The following MEGF11 variants were observed in gnomAD, a reference collection of about 807,000 sequenced individuals.
MEGF11 encodes the protein multiple EGF like domains 11, also known as multiple epidermal growth factor-like domains protein 11.
Under a neutral mutation model 146.6 loss-of-function variants are expected in MEGF11, and 126 were observed. The observed-to-expected ratio is 0.86, with a 90% CI of 0.74 to 1.00. MEGF11 has a LOEUF of 1.00. MEGF11 is among the 50% of genes least tolerant of loss of function. The pLI, the probability that MEGF11 is intolerant of heterozygous loss-of-function variation, is 0.00. For missense variants in MEGF11, 1,509 were observed against 1,521.2 expected (o/e 0.99, Z 0.13); for synonymous variants, 532 against 583.4 (o/e 0.91, Z 1.27).
chr15:66,009,341 G>A (rs2082630262), intron 5 of MEGF11, among the ~76,000 whole-genome samples: 1 of 151,790 alleles, frequency 6.6e-6, no homozygotes, highest in African/African-American at 2.4e-5. Flanking sequence ...GAGTCATGGG[G>A]GTGGGGAGGG....
chr15:66,183,696 G>A (rs578247161), intron 1 of MEGF11, among the ~76,000 whole-genome samples: 12 of 152,278 alleles, frequency 7.9e-5, no homozygotes, highest in East Asian at 5.8e-4. Context: ...GAGAGCTTAG[G>A]ACAGGGCTTC....
intron 10 of MEGF11, among the ~76,000 whole-genome samples, chr15:65,953,766 C>T (rs185680111): frequency 6.6e-6 from 1 of 151,654 alleles, no homozygotes; most frequent in African/African-American, 2.4e-5. Flanking sequence ...ATCCAGAGCC[C>T]CAAGCAGGAC....
intron 1 of MEGF11, among the ~76,000 whole-genome samples, chr15:66,160,664 G>GACACAC (rs3221608): frequency 0.065 from 8,944 of 137,462 alleles, 348 homozygotes; most frequent in African/African-American, 0.1. Context: ...GCCCTAAGGG[G>GACACAC]ACACACACAC....
At chr15:66,092,361 C>T (rs2086354938) in intron 5 of MEGF11, among the ~76,000 whole-genome samples, 1 of 152,200 alleles carries the variant, frequency 6.6e-6, no homozygotes, top group African/African-American at 2.4e-5. Context: ...TTTAGAACTT[C>T]CCATGGGTTC....
intron 1 of MEGF11, among the ~76,000 whole-genome samples, chr15:66,203,411 G>A (rs934802829): frequency 2.1e-4 from 32 of 152,212 alleles, no homozygotes; most frequent in African/African-American, 7.7e-4. Flanking sequence ...TTTGGAACTG[G>A]CAACTGAGGC....
chr15:65,938,563 A>G (rs1567166652), intron 10 of MEGF11, among the ~76,000 whole-genome samples: 1 of 152,098 alleles, frequency 6.6e-6, no homozygotes. Flanking sequence ...CCCAGTCCAC[A>G]CCACCTACAG....
Position 65,991,116 on chromosome 15 carries a change from C to A in MEGF11, c.395-8628G>T, listed in dbSNP as rs1437004585. The stretch of plus-strand genomic sequence containing the variant: ...CACTTGTTACTCGGTGTTACTTAAC[C>A]ACACCGTCTATACCTCCCTTAAACC... On this transcript the variant is annotated intron_variant, in intron 5 of 25. Coordinates refer to ENST00000395614, the MANE Select transcript of MEGF11 (RefSeq NM_001385028.1). Among the ~76,000 whole-genome samples the A allele has an allele frequency of 2.6e-5, 4 of 152,124 alleles. No homozygotes were observed. In the South Asian group the frequency reaches 8.3e-4, roughly 32 times the overall value.
At chr15:65,950,488 G>A (rs2141438549) in intron 10 of MEGF11, among the ~76,000 whole-genome samples, 1 of 152,174 alleles carries the variant, frequency 6.6e-6, no homozygotes, top group East Asian at 1.9e-4. Context: ...TGAGGTGGGA[G>A]GATCGCCTGA....
At chr15:66,100,429 G>A (rs2086743518) in intron 4 of MEGF11, among the ~76,000 whole-genome samples, 1 of 152,190 alleles carries the variant, frequency 6.6e-6, no homozygotes, top group Non-Finnish European at 1.5e-5. Flanking sequence ...CCACAGGCCA[G>A]GGTGTAAGGT....
At chr15:66,019,363 G>A (rs977276348) in intron 5 of MEGF11, among the ~76,000 whole-genome samples, 3 of 152,220 alleles carry the variant, frequency 2.0e-5, no homozygotes, top group African/African-American at 4.8e-5. Context: ...GAGGGAATGG[G>A]GTTGAAAGGA....
intron 5 of MEGF11, among the ~76,000 whole-genome samples, chr15:66,079,353 G>T (rs1209237682): frequency 6.6e-6 from 1 of 152,198 alleles, no homozygotes; most frequent in African/African-American, 2.4e-5. Context: ...AGGTTCAAGA[G>T]GCCAAAGAAG....
chr15:66,243,044 T>TAC (rs983065726), intron 1 of MEGF11, among the ~76,000 whole-genome samples: 4 of 152,086 alleles, frequency 2.6e-5, no homozygotes, highest in Non-Finnish European at 5.9e-5. Flanking sequence ...CTCTTCTACA[T>TAC]ACACACACAC....
intron 10 of MEGF11, among the ~76,000 whole-genome samples, chr15:65,943,082 G>A (rs1298907666): frequency 6.9e-6 from 1 of 144,374 alleles, no homozygotes; most frequent in Admixed American, 7.3e-5. Flanking sequence ...CGCCCCCCGG[G>A]TTCAAGCGAT....
intron 8 of MEGF11, among the ~76,000 whole-genome samples, chr15:65,965,927 C>T (rs892766691): frequency 5.3e-5 from 8 of 152,146 alleles, no homozygotes; most frequent in African/African-American, 1.4e-4. Context: ...CCACCCATCT[C>T]CAGAATGTTT....
At chr15:66,003,915 C>G (rs2082441140) in intron 5 of MEGF11, among the ~76,000 whole-genome samples, 2 of 152,228 alleles carry the variant, frequency 1.3e-5, no homozygotes, top group Admixed American at 6.5e-5. Context: ...CTGTCCCATG[C>G]TAGACCTCCG....
chr15:66,043,332 T>C (rs2084062650), intron 5 of MEGF11, among the ~76,000 whole-genome samples: 2 of 152,152 alleles, frequency 1.3e-5, no homozygotes, highest in Non-Finnish European at 1.5e-5. Context: ...TGAAATCAGA[T>C]CAAAGAACAG....
intron 25 of MEGF11, 21 bp downstream of exon 25, chr15:65,898,707 T>C (rs1194422382): frequency 6.2e-7 from 1 of 1,612,100 alleles, no homozygotes; most frequent in Non-Finnish European, 8.5e-7. Flanking sequence ...TTTCACTAAG[T>C]TACTTATTTG....
intron 5 of MEGF11, among the ~76,000 whole-genome samples, chr15:65,988,925 C>A (rs2141739134): frequency 6.6e-6 from 1 of 152,288 alleles, no homozygotes; most frequent in South Asian, 2.1e-4. Flanking sequence ...AGCCCTTCTC[C>A]CAGCTACCAA....
chr15:66,166,010 C>T (rs1428873080), intron 1 of MEGF11, among the ~76,000 whole-genome samples: 3 of 152,140 alleles, frequency 2.0e-5, no homozygotes, highest in Admixed American at 6.5e-5. Flanking sequence ...CACATATCCC[C>T]CACTCCCTGG....
Sources: gnomAD v4.1 joint callset for allele counts (sites outside exome capture counted in the v4.1 genomes callset) on GRCh38, gnomAD v4.1.1 for gene constraint, MANE v1.5 for transcripts, NCBI Gene and HGNC (gene_info 2026-07-23, HGNC 2026-07-21) for gene names.